CNOT6L: variants seen among roughly 807,000 people sequenced by gnomAD.
The protein encoded by CNOT6L is CCR4-NOT transcription complex subunit 6-like.
Under a neutral mutation model 64.0 loss-of-function variants are expected in CNOT6L, and 7 were observed. That is an observed-to-expected ratio of 0.11 (90% CI 0.06 to 0.21). The LOEUF is 0.21. Among genes scored for constraint, CNOT6L ranks in the 10% least tolerant of loss-of-function variants. The pLI is 1.00. For missense variants in CNOT6L, 245 were observed against 669.0 expected, an observed-to-expected ratio of 0.37 and a Z score of 6.99; for synonymous variants, 193 against 243.4, an observed-to-expected ratio of 0.79 and a Z score of 1.93.
chr4:77,731,472 G>A lies in CNOT6L; in HGVS notation c.939C>T (p.Ser313=), dbSNP rs540700990. Residue 313 remains serine (S), a synonymous_variant, in exon 9 of 12, where the codon TCC becomes TCT. Coordinates refer to ENST00000504123, the MANE Select transcript of CNOT6L (RefSeq NM_144571.3). ...TCATCACTCTGTTCAGCATAGCTTC[G>A]GATCCATCTGAATTAGCCATCGCCA... ...NQVAMANSDG[S]EAMLNRVMTK... is the part of the protein sequence containing the mutation. 48 of 1,609,608 alleles carry A rather than the reference G, an allele frequency of 3.0e-5. 1 individual carries two copies. The East Asian group carries it at 8.0e-4, about 27-fold the overall frequency.
intron 4 of CNOT6L, among the ~76,000 whole-genome samples, chr4:77,760,860 CTTTTTTTTTTTTTTT>C (rs754195745): frequency 2.3e-3 from 68 of 29,984 alleles, no homozygotes; most frequent in African/African-American, 5.6e-3. Flanking sequence ...CCATGCCTGG[CTTTTTTTTTTTTTTT>C]TTTTTTTTTT....
chr4:77,732,953 GAGGTT>G (rs1350820415), intron 8 of CNOT6L, among the ~76,000 whole-genome samples: 2 of 152,096 alleles, frequency 1.3e-5, no homozygotes. Context: ...GAAAGTTTGT[GAGGTT>G]ATCTGAAAGA....
intron 11 of CNOT6L, among the ~76,000 whole-genome samples, chr4:77,725,785 C>A (rs536308640): frequency 6.6e-6 from 1 of 151,094 alleles, no homozygotes; most frequent in African/African-American, 2.4e-5. Flanking sequence ...TTGCTATATT[C>A]GGTGCTTTTC....
chr4:77,774,617 G>A lies in CNOT6L; in HGVS notation c.227C>T (p.Ala76Val). 6.2e-7 allele frequency: 1 copy of A among 1,613,524 alleles called. No individual in the cohort carries two copies. The highest frequency in any genetic ancestry group is 8.5e-7 in the Non-Finnish European group (1 of 1,179,640). The change falls in exon 3 of 12, where the codon GCC becomes GTC. Residue 76 changes from alanine (A) to valine (V), a missense_variant. This residue lies in a region of CNOT6L where 78 missense variants were observed against 137.6 expected (regional missense o/e 0.57). Coordinates refer to ENST00000504123, the MANE Select transcript of CNOT6L (RefSeq NM_144571.3). ...CAGGTAAACCAGATTATGAAGCTTG[G>A]CAATATCAGGTGGAATGCGACTAAG... Reference protein sequence around the residue: ...NYLSRIPPDIAKLHNLVYLDL... With the variant: ...NYLSRIPPDIVKLHNLVYLDL...
At chr4:77,776,081 GTAAT>G (rs1406802572) in intron 2 of CNOT6L, among the ~76,000 whole-genome samples, 186 bp downstream of exon 2, 1 of 152,114 alleles carries the variant, frequency 6.6e-6, no homozygotes, top group African/African-American at 2.4e-5. Flanking sequence ...CTTGCTCAAT[GTAAT>G]TAATCTCAAA....
chr4:77,767,619 T>A (rs1038499971), intron 4 of CNOT6L, among the ~76,000 whole-genome samples: 1 of 152,016 alleles, frequency 6.6e-6, no homozygotes, highest in Non-Finnish European at 1.5e-5. Context: ...AGACAACTGG[T>A]TACTCATAGG....
rs548650390 is a variant in CNOT6L at position 77,753,885 on chromosome 4, C to CA, written c.490+2976dup. 4.9e-3 allele frequency among the ~76,000 whole-genome samples: 618 copies of CA among 127,262 alleles called. 6 individuals are homozygous for CA. Among genetic ancestry groups the CA allele is most frequent in the African/African-American group, 0.017 (594 of 34,876 alleles). The allele number at this position is 127,262 out of a possible 152,430, so 83.5% of individuals were successfully genotyped here. A position where few individuals can be genotyped will look rare whatever the true frequency, so the allele number is the denominator to read the frequency against. Reference sequence around the variant, plus strand: ...ATAAAGAAAAGCATCTGATAAATTTCAAAATCTACTCATGTTAAAAAAAAA... The same window carrying CA: ...ATAAAGAAAAGCATCTGATAAATTTCAAAAATCTACTCATGTTAAAAAAAAA... On this transcript the variant is annotated intron_variant, in intron 5 of 11. Coordinates refer to ENST00000504123, the MANE Select transcript of CNOT6L (RefSeq NM_144571.3).
chr4:77,731,694 T>G (rs1030917001), intron 8 of CNOT6L, 156 bp from the exon 9 acceptor site: 2 of 527,370 alleles, frequency 3.8e-6, no homozygotes, highest in Non-Finnish European at 6.4e-6. Flanking sequence ...GAAGTCTGAT[T>G]ATTGTAAAAA....
intron 1 of CNOT6L, among the ~76,000 whole-genome samples, chr4:77,780,735 A>C (rs578175646): frequency 3.5e-4 from 53 of 151,044 alleles, no homozygotes; most frequent in African/African-American, 1.3e-3. Context: ...TGAAGACTTT[A>C]ATAAATTTGT....
At chr4:77,733,043 G>A (rs1722614324) in intron 8 of CNOT6L, among the ~76,000 whole-genome samples, 1 of 152,084 alleles carries the variant, frequency 6.6e-6, no homozygotes, top group Non-Finnish European at 1.5e-5. Flanking sequence ...CCTATAGACA[G>A]GATTGACCAT....
At chr4:77,742,375 T>A in intron 7 of CNOT6L, 80 bp from the exon 8 acceptor site, 1 of 1,263,950 alleles carries the variant, frequency 7.9e-7, no homozygotes, top group Non-Finnish European at 1.1e-6. Flanking sequence ...GCATTATGAG[T>A]AAGATGTAAC....
At chr4:77,750,091 T>C (rs924013185) in intron 5 of CNOT6L, among the ~76,000 whole-genome samples, 1 of 151,882 alleles carries the variant, frequency 6.6e-6, no homozygotes, top group Non-Finnish European at 1.5e-5. Context: ...TAGAAAAAAA[T>C]AGAATAACAA....
intron 4 of CNOT6L, among the ~76,000 whole-genome samples, chr4:77,757,586 G>A (rs1251074798): frequency 1.3e-5 from 2 of 152,120 alleles, no homozygotes; most frequent in Non-Finnish European, 2.9e-5. Flanking sequence ...AGACAAGCAT[G>A]CAACAACAGT....
At position 77,714,968 on chromosome 4, in the gene CNOT6L, A is replaced by G. The variant is rs1481437583; in HGVS notation, c.*5463T>C. Reference sequence around the variant, plus strand: ...CAATTTTGTGACTTCAGATAACTACAAACTAAATTAAATTGGTACATATAA... The same window carrying G: ...CAATTTTGTGACTTCAGATAACTACGAACTAAATTAAATTGGTACATATAA... On this transcript the variant is annotated 3_prime_UTR_variant, in exon 12 of 12. Coordinates refer to ENST00000504123, the MANE Select transcript of CNOT6L (RefSeq NM_144571.3). 6.6e-6 allele frequency: 1 copy of G among 152,532 alleles called. No individual in the cohort carries two copies. The highest frequency in any genetic ancestry group is 1.5e-5 in the Non-Finnish European group (1 of 68,020). 9.4% of individuals were successfully genotyped at this position (152,532 alleles called of 1,614,324 possible). A position where few individuals can be genotyped will look rare whatever the true frequency, so the allele number is the denominator to read the frequency against.
intron 1 of CNOT6L, among the ~76,000 whole-genome samples, chr4:77,795,974 G>A (rs909003328): frequency 6.6e-6 from 1 of 151,934 alleles, no homozygotes; most frequent in Non-Finnish European, 1.5e-5. Flanking sequence ...CATTGAAAGT[G>A]ATCTTTTTTC....
In CNOT6L at chr4:77,729,056, G is replaced by C. The variant is rs1722166018; in HGVS notation, c.1050C>G (p.Asp350Glu). Reference protein sequence around the residue: ...GAGMKPIHAADKQLLIVANAH... With the variant: ...GAGMKPIHAAEKQLLIVANAH... ...CATTTGCCACTATAAGCAGCTGTTT[G>C]TCTGCAGCATGAATAGGCTTCATAC... The change falls in exon 10 of 12, where the codon GAC (aspartate) becomes GAG (glutamate). Residue 350 changes from aspartate to glutamate, a missense_variant. This residue lies in a region of CNOT6L where 94 missense variants were observed against 290.9 expected (regional missense o/e 0.32). Transcript: ENST00000504123. The C allele has an allele frequency of 6.2e-7, 1 of 1,612,784 alleles. No homozygotes were observed. The highest frequency in any genetic ancestry group is 8.5e-7 in the Non-Finnish European group (1 of 1,179,028).
At chr4:77,727,922 T>C (rs1426630995) in intron 10 of CNOT6L, among the ~76,000 whole-genome samples, 2 of 152,224 alleles carry the variant, frequency 1.3e-5, no homozygotes. Context: ...ATATTCCAAG[T>C]GTAGGCATTT....
intron 1 of CNOT6L, among the ~76,000 whole-genome samples, chr4:77,802,888 C>T (rs958259373): frequency 6.6e-6 from 1 of 152,070 alleles, no homozygotes; most frequent in African/African-American, 2.4e-5. Flanking sequence ...TAGACATTCC[C>T]AGAAGAAAAT....
chr4:77,786,880 G>A (rs977438446), intron 1 of CNOT6L, among the ~76,000 whole-genome samples: 3 of 152,184 alleles, frequency 2.0e-5, no homozygotes, highest in Non-Finnish European at 4.4e-5. Flanking sequence ...TATATGTAAA[G>A]ATAGAAAGCT....
Sources: allele counts gnomAD v4.1 joint callset (sites outside exome capture counted in the v4.1 genomes callset), GRCh38; gene constraint gnomAD v4.1.1; regional missense constraint gnomAD v4.1.1; transcripts MANE v1.5; gene names NCBI Gene and HGNC (gene_info 2026-07-23, HGNC 2026-07-21).